Variants in DLGAP2 observed in about 807,000 individuals in gnomAD.
DLGAP2 encodes the protein DLG associated protein 2, also known as disks large-associated protein 2.
In DLGAP2, 26 loss-of-function variants were observed where a neutral mutation model predicts 100.3. That is an observed-to-expected ratio of 0.26 (90% CI 0.19 to 0.36). The LOEUF is 0.36. Ranked by LOEUF, DLGAP2 falls within the 10% of genes least tolerant of loss-of-function variation. The pLI is 1.00. For missense variants in DLGAP2, 1,858 were observed against 1,453.2 expected (o/e 1.28, Z -4.53); for synonymous variants, 886 against 630.1 (o/e 1.41, Z -6.08).
intron 3 of DLGAP2, among the ~76,000 whole-genome samples, chr8:1,361,950 A>T (rs968412811): frequency 2.6e-5 from 4 of 152,266 alleles, no homozygotes; most frequent in Admixed American, 2.6e-4. Flanking sequence ...GAAGAGGTGG[A>T]CACCTCCTGG....
intron 3 of DLGAP2, among the ~76,000 whole-genome samples, chr8:1,339,719 C>A (rs773455280): frequency 6.6e-6 from 1 of 152,188 alleles, no homozygotes; most frequent in African/African-American, 2.4e-5. Context: ...AAGTCTCACC[C>A]GGGCGCATCA....
Position 1,513,165 on chromosome 8 carries a change from A to G in DLGAP2, c.172+11734A>G, listed in dbSNP as rs112210613. ...GATAAGCGTCTGCCTTTCCCAGTGC[A>G]AGGGAGGACGGAAGAGGCCACAGGC... On this transcript the variant is annotated intron_variant, in intron 4 of 14. Transcript: ENST00000637795. Among the ~76,000 whole-genome samples the G allele has an allele frequency of 2.5e-3, 361 of 143,982 alleles. 7 individuals are homozygous for G. Among genetic ancestry groups the G allele is most frequent in the Non-Finnish European group, 2.9e-3 (184 of 63,834 alleles). 94.5% of individuals were successfully genotyped at this position (143,982 alleles called of 152,430 possible).
chr8:1,504,757 T>G (rs1467358364), intron 4 of DLGAP2, among the ~76,000 whole-genome samples: 3 of 152,082 alleles, frequency 2.0e-5, no homozygotes, highest in African/African-American at 4.8e-5. Context: ...ATTCCACATT[T>G]TCTTTGTCTG....
chr8:1,345,573 T>A (rs2117092544), intron 3 of DLGAP2, among the ~76,000 whole-genome samples: 1 of 152,362 alleles, frequency 6.6e-6, no homozygotes, highest in East Asian at 1.9e-4. Flanking sequence ...GAAAACACAT[T>A]GTGTGGATGT....
At chr8:807,727 G>A (rs1796295278) in intron 1 of DLGAP2, among the ~76,000 whole-genome samples, 1 of 152,190 alleles carries the variant, frequency 6.6e-6, no homozygotes, top group African/African-American at 2.4e-5. Flanking sequence ...ATGTGTCCCT[G>A]TGTGTTTTTC....
chr8:1,392,399 G>A (rs778323626), intron 3 of DLGAP2, among the ~76,000 whole-genome samples: 5 of 152,126 alleles, frequency 3.3e-5, no homozygotes, highest in African/African-American at 4.8e-5. Context: ...CGCGGCACTC[G>A]GGGAAAACCT....
chr8:1,133,431 T>A (rs1385404797), intron 2 of DLGAP2, among the ~76,000 whole-genome samples: 1 of 152,164 alleles, frequency 6.6e-6, no homozygotes, highest in Non-Finnish European at 1.5e-5. Context: ...TATATATGAA[T>A]AAAAATATAT....
At chr8:1,293,500 G>A (rs1321946077) in intron 3 of DLGAP2, among the ~76,000 whole-genome samples, 1 of 152,202 alleles carries the variant, frequency 6.6e-6, no homozygotes, top group African/African-American at 2.4e-5. Context: ...TGAGATTAAT[G>A]GCACAGGAGA....
intron 3 of DLGAP2, among the ~76,000 whole-genome samples, chr8:1,264,827 G>T (rs1481000551): frequency 2.0e-5 from 3 of 152,192 alleles, no homozygotes. Flanking sequence ...TGCCATGGGA[G>T]GGACCCAGTG....
intron 2 of DLGAP2, among the ~76,000 whole-genome samples, chr8:1,172,321 T>A (rs1797146381): frequency 6.6e-6 from 1 of 152,156 alleles, no homozygotes; most frequent in South Asian, 2.1e-4. Context: ...TTAACATTTT[T>A]TCCTTCATTT....
intron 3 of DLGAP2, among the ~76,000 whole-genome samples, chr8:1,409,168 C>T (rs1384750850): frequency 6.6e-6 from 1 of 151,294 alleles, no homozygotes; most frequent in African/African-American, 2.4e-5. Context: ...GTTCCTTCCT[C>T]ACCATAGCAG....
At chr8:1,146,593 ACCTGCG>A (rs1563215579) in intron 2 of DLGAP2, among the ~76,000 whole-genome samples, 5 of 151,838 alleles carry the variant, frequency 3.3e-5, no homozygotes, top group African/African-American at 9.7e-5. Flanking sequence ...ATGTGTGTGC[ACCTGCG>A]CATGTGTGTG....
intron 12 of DLGAP2, among the ~76,000 whole-genome samples, chr8:1,679,875 G>A (rs1327141720): frequency 2.6e-5 from 4 of 151,434 alleles, no homozygotes; most frequent in Middle Eastern, 3.2e-3. Flanking sequence ...AGCTATTTGG[G>A]AGGCTGAGGC....
intron 3 of DLGAP2, among the ~76,000 whole-genome samples, chr8:1,440,200 A>G (rs914186325): frequency 1.2e-4 from 18 of 152,354 alleles, no homozygotes; most frequent in African/African-American, 3.8e-4. Context: ...TCCACCAAAT[A>G]TAAAACAGAC....
intron 3 of DLGAP2, among the ~76,000 whole-genome samples, chr8:1,494,043 G>GC (rs11448401): frequency 0.59 from 87,612 of 149,724 alleles, 25,522 homozygotes; most frequent in Admixed American, 0.68. Flanking sequence ...ATTCTGCATC[G>GC]GGGGGGGCAG....
chr8:749,947 C>G (rs941528865), intron 1 of DLGAP2, among the ~76,000 whole-genome samples: 3 of 152,184 alleles, frequency 2.0e-5, no homozygotes, highest in Non-Finnish European at 4.4e-5. Flanking sequence ...TCCACGTGGC[C>G]TCCTCCTCTT....
At chr8:972,652 G>C (rs1462062469) in intron 2 of DLGAP2, among the ~76,000 whole-genome samples, 1 of 136,280 alleles carries the variant, frequency 7.3e-6, no homozygotes, top group Non-Finnish European at 1.6e-5. Flanking sequence ...TATCATTCTT[G>C]TGTGTTTCTC....
intron 6 of DLGAP2, among the ~76,000 whole-genome samples, chr8:1,600,899 G>A (rs997454554): frequency 6.6e-6 from 1 of 152,106 alleles, no homozygotes; most frequent in Admixed American, 6.5e-5. Context: ...TCTCTGTCCG[G>A]TTCTGTTCCC....
chr8:1,095,461 G>T (rs1432391309), intron 2 of DLGAP2, among the ~76,000 whole-genome samples: 1 of 152,156 alleles, frequency 6.6e-6, no homozygotes, highest in Non-Finnish European at 1.5e-5. Context: ...CTTCCTGGCG[G>T]TGAGCACAGG....
Sources: allele counts gnomAD v4.1 joint callset (sites outside exome capture counted in the v4.1 genomes callset), GRCh38; gene constraint gnomAD v4.1.1; transcripts MANE v1.5; gene names NCBI Gene and HGNC (gene_info 2026-07-23, HGNC 2026-07-21).